The following GALNT13 variants were observed in gnomAD, a reference collection of about 807,000 sequenced individuals.
GALNT13 encodes polypeptide N-acetylgalactosaminyltransferase 13, also known as UDP-GalNAc:polypeptide N-acetylgalactosaminyltransferase 13.
Under a neutral mutation model 64.2 loss-of-function variants are expected in GALNT13, and 28 were observed. That is an observed-to-expected ratio of 0.44 (90% CI 0.32 to 0.60). GALNT13 has a LOEUF of 0.60. GALNT13 is among the 20% of genes least tolerant of loss of function. The pLI is 0.05. For synonymous variants in GALNT13, 214 were observed against 224.6 expected, an observed-to-expected ratio of 0.95 and a Z score of 0.42; for missense variants, 577 against 669.8, an observed-to-expected ratio of 0.86 and a Z score of 1.53.
At chr2:153,146,856 C>T in the GALNT13 span, among the ~76,000 whole-genome samples, 1 of 151,886 alleles carries the variant, frequency 6.6e-6, no homozygotes, top group African/African-American at 2.4e-5. Context: ...ATTTATACTT[C>T]AGCGGACAGG....
the GALNT13 span, among the ~76,000 whole-genome samples, chr2:153,850,764 A>C: frequency 6.6e-6 from 1 of 152,224 alleles, no homozygotes. Flanking sequence ...TGAGAAAGGC[A>C]CTGGATGAGA....
chr2:154,360,535 A>G lies in GALNT13; in HGVS notation c.1157-35456A>G, dbSNP rs1697006514. On this transcript the variant is annotated intron_variant, in intron 9 of 12. Transcript: ENST00000392825. ...AGGGTGCTGCTTTCGCAGAAAAGCG[A>G]AAAACATTCCCAAATAAGAGTATAT... 2.0e-5 allele frequency among the ~76,000 whole-genome samples: 3 copies of G among 152,178 alleles called. No individual in the cohort carries two copies. The South Asian group carries it at 6.2e-4, about 31-fold the overall frequency.
chr2:153,495,331 A>T, the GALNT13 span, among the ~76,000 whole-genome samples: 1 of 143,682 alleles, frequency 7.0e-6, no homozygotes, highest in South Asian at 2.1e-4. Flanking sequence ...ACAAACAACA[A>T]CAACAAAAAC....
the GALNT13 span, among the ~76,000 whole-genome samples, chr2:153,754,066 A>G: frequency 6.6e-6 from 1 of 152,176 alleles, no homozygotes; most frequent in African/African-American, 2.4e-5. Flanking sequence ...AGCTTGTGGT[A>G]AATGCTGGTG....
the GALNT13 span, among the ~76,000 whole-genome samples, chr2:153,529,749 C>T: frequency 6.6e-6 from 1 of 152,054 alleles, no homozygotes; most frequent in South Asian, 2.1e-4. Context: ...AATAGTTCAA[C>T]ATATGCAAAT....
chr2:153,480,503 T>C, the GALNT13 span, among the ~76,000 whole-genome samples: 4 of 152,312 alleles, frequency 2.6e-5, no homozygotes, highest in South Asian at 4.1e-4. Context: ...TAGTTTCCCA[T>C]AATTTAATTA....
the GALNT13 span, among the ~76,000 whole-genome samples, chr2:153,589,643 A>G: frequency 6.6e-6 from 1 of 152,232 alleles, no homozygotes; most frequent in Admixed American, 6.5e-5. Context: ...GACGCCTCAC[A>G]ATCATGGAAG....
intron 1 of GALNT13, among the ~76,000 whole-genome samples, chr2:153,877,966 A>G (rs988767696): frequency 1.3e-5 from 2 of 152,186 alleles, no homozygotes; most frequent in Non-Finnish European, 2.9e-5. Context: ...GCATCACCTC[A>G]GAATCACACA....
chr2:153,830,779 C>A, the GALNT13 span, among the ~76,000 whole-genome samples: 1 of 152,034 alleles, frequency 6.6e-6, no homozygotes, highest in African/African-American at 2.4e-5. Flanking sequence ...TTCATTTTTG[C>A]TTTAATAACT....
At chr2:153,400,978 T>A in the GALNT13 span, among the ~76,000 whole-genome samples, 2 of 151,646 alleles carry the variant, frequency 1.3e-5, no homozygotes, top group South Asian at 4.2e-4. Flanking sequence ...CTTTTGCATG[T>A]GTTTGCTCTT....
chr2:154,079,401 G>A (rs1397244542), intron 3 of GALNT13, among the ~76,000 whole-genome samples: 1 of 151,504 alleles, frequency 6.6e-6, no homozygotes, highest in Non-Finnish European at 1.5e-5. Context: ...ACTTAATTGA[G>A]CCTTTCCTTT....
At chr2:153,461,251 T>C in the GALNT13 span, among the ~76,000 whole-genome samples, 2 of 151,864 alleles carry the variant, frequency 1.3e-5, no homozygotes, top group Non-Finnish European at 2.9e-5. Context: ...AAGTTTAACA[T>C]GCAGGAAAAA....
At chr2:154,304,465 T>C (rs1002608956) in intron 9 of GALNT13, among the ~76,000 whole-genome samples, 3 of 152,208 alleles carry the variant, frequency 2.0e-5, no homozygotes, top group African/African-American at 7.2e-5. Context: ...TTATGTGTGA[T>C]TGCATGCAAT....
intron 3 of GALNT13, among the ~76,000 whole-genome samples, chr2:153,973,013 T>C (rs1259489809): frequency 6.6e-6 from 1 of 152,064 alleles, no homozygotes; most frequent in African/African-American, 2.4e-5. Flanking sequence ...CTCAATGACA[T>C]AGAATACATT....
At chr2:153,632,322 A>G in the GALNT13 span, among the ~76,000 whole-genome samples, 1 of 152,170 alleles carries the variant, frequency 6.6e-6, no homozygotes, top group South Asian at 2.1e-4. Flanking sequence ...ATCTCACATT[A>G]CTGTGGTAGA....
intron 2 of GALNT13, among the ~76,000 whole-genome samples, chr2:153,923,004 A>G (rs935997321): frequency 6.6e-6 from 1 of 151,884 alleles, no homozygotes; most frequent in African/African-American, 2.4e-5. Context: ...GGTTCAAGCA[A>G]TTCTCCTGCC....
the GALNT13 span, among the ~76,000 whole-genome samples, chr2:153,621,079 T>G: frequency 6.6e-6 from 1 of 152,094 alleles, no homozygotes; most frequent in Non-Finnish European, 1.5e-5. Context: ...CAGAGACTCT[T>G]GTACTCTTCT....
chr2:154,247,551 A>G (rs539017913), intron 7 of GALNT13, among the ~76,000 whole-genome samples: 1 of 152,056 alleles, frequency 6.6e-6, no homozygotes. Context: ...CACAGAGTCA[A>G]ACGGAAGATA....
the GALNT13 span, among the ~76,000 whole-genome samples, chr2:153,444,879 A>G: frequency 6.6e-6 from 1 of 152,352 alleles, no homozygotes; most frequent in South Asian, 2.1e-4. Flanking sequence ...TGTTTCACAT[A>G]CAAGTCTTGT....
Sources: gnomAD v4.1 joint callset for allele counts (sites outside exome capture counted in the v4.1 genomes callset) on GRCh38, gnomAD v4.1.1 for gene constraint, MANE v1.5 for transcripts, NCBI Gene and HGNC (gene_info 2026-07-23, HGNC 2026-07-21) for gene names.